The following ATP11A variants were observed in gnomAD, a reference collection of about 807,000 sequenced individuals.
ATP11A encodes the protein phospholipid-transporting ATPase IH.
In ATP11A, 81 loss-of-function variants were observed where a neutral mutation model predicts 154.4. That is an observed-to-expected ratio of 0.52 (90% confidence interval 0.44 to 0.63). ATP11A has a LOEUF of 0.63. Ranked by LOEUF, ATP11A falls within the 30% of genes least tolerant of loss-of-function variation. The pLI, the probability that ATP11A is intolerant of heterozygous loss-of-function variation, is 0.00. For synonymous variants in ATP11A, 623 were observed against 585.9 expected (o/e 1.06, Z -0.91); for missense variants, 1,316 against 1,474.3 (o/e 0.89, Z 1.76).
At chr13:112,819,433 G>A in intron 7 of ATP11A, 26 bp downstream of exon 7, 2 of 1,610,396 alleles carry the variant, frequency 1.2e-6, no homozygotes, top group Non-Finnish European at 1.7e-6. Context: ...GGGTTCTTTA[G>A]AAACGGTTTT....
intron 2 of ATP11A, among the ~76,000 whole-genome samples, chr13:112,800,630 A>G (rs1025663094): frequency 6.6e-6 from 1 of 152,176 alleles, no homozygotes; most frequent in African/African-American, 2.4e-5. Flanking sequence ...CGGAAGGAAC[A>G]TTTTCTAATT....
chr13:112,852,793 GA>G lies in ATP11A; in HGVS notation c.1992-1485del, dbSNP rs2079808388. ...AGTTAATGCCTGGTTGGCGGGGGGGGATCTCAGTGGCTTTTTCGTGATGATA... is the reference window on the plus strand; with the variant it reads ...AGTTAATGCCTGGTTGGCGGGGGGGGTCTCAGTGGCTTTTTCGTGATGATA... On this transcript the variant is annotated intron_variant, in intron 18 of 29. Transcript: ENST00000375645. Among the ~76,000 whole-genome samples, 19 of 143,252 alleles carry G rather than the reference GA, an allele frequency of 1.3e-4. 1 individual carries two copies. Among genetic ancestry groups the G allele is most frequent in the African/African-American group, 3.0e-4 (11 of 36,430 alleles). The allele number at this position is 143,252 out of a possible 152,430, so 94.0% of individuals were successfully genotyped here.
At chr13:112,796,426 T>C (rs2078000102) in intron 2 of ATP11A, among the ~76,000 whole-genome samples, 1 of 152,144 alleles carries the variant, frequency 6.6e-6, no homozygotes, top group South Asian at 2.1e-4. Context: ...CAGAGGCACT[T>C]GTAAGTGGAA....
chr13:112,702,468 G>T (rs1312864497), intron 1 of ATP11A, among the ~76,000 whole-genome samples: 1 of 152,252 alleles, frequency 6.6e-6, no homozygotes, highest in Non-Finnish European at 1.5e-5. Context: ...TGCACACGGG[G>T]GGTGCGTGAT....
Position 112,770,103 on chromosome 13 carries a change from G to C in ATP11A, c.40-15032G>C, listed in dbSNP as rs563995699. On this transcript the variant is annotated intron_variant, in intron 1 of 29. Transcript: ENST00000375645. ...CACCGGCTCTTTTCCTCTGTGTCTC[G>C]ACTCTTAGGAAGCTCTGTGTTTCTT... Among the ~76,000 whole-genome samples the C allele has an allele frequency of 8.5e-5, 13 of 152,260 alleles. No homozygotes were observed. The South Asian group carries it at 2.3e-3, about 27-fold the overall frequency.
At chr13:112,702,497 C>G (rs1208354968) in intron 1 of ATP11A, among the ~76,000 whole-genome samples, 2 of 152,234 alleles carry the variant, frequency 1.3e-5, no homozygotes, top group African/African-American at 2.4e-5. Flanking sequence ...CCTCTGCCCT[C>G]AGATGGCCAG....
Position 112,826,895 on chromosome 13 carries a change from G to C in ATP11A, c.1221+4G>C, listed in dbSNP as rs201934262. 2 of 1,614,020 alleles carry C rather than the reference G, an allele frequency of 1.2e-6. No individual in the cohort carries two copies. Among genetic ancestry groups the C allele is most frequent in the East Asian group, 4.5e-5 (2 of 44,888 alleles). The stretch of plus-strand genomic sequence containing the variant: ...CCTCAATGAAGAGCTGGGACAGGTT[G>C]GTGTCTCCTGAGTCATCTGCTGTGA... On this transcript the variant is annotated splice_donor_region_variant and intron_variant, in intron 12 of 29. Transcript: ENST00000375645.
At chr13:112,694,453 C>A (rs1171981139) in intron 1 of ATP11A, among the ~76,000 whole-genome samples, 2 of 152,164 alleles carry the variant, frequency 1.3e-5, no homozygotes, top group East Asian at 3.8e-4. Flanking sequence ...ACCGGGCACC[C>A]TGACACTGAG....
At chr13:112,737,631 G>C (rs1410038190) in intron 1 of ATP11A, among the ~76,000 whole-genome samples, 1 of 152,220 alleles carries the variant, frequency 6.6e-6, no homozygotes, top group Admixed American at 6.5e-5. Context: ...AGGTCACCGA[G>C]GGCCTCGTCT....
chr13:112,861,470 C>T (rs534104371), intron 24 of ATP11A, among the ~76,000 whole-genome samples: 6 of 152,220 alleles, frequency 3.9e-5, no homozygotes, highest in African/African-American at 1.2e-4. Flanking sequence ...TTATTCAGAT[C>T]ACCCAGCTTT....
rs1157054316 is a variant in ATP11A, at chr13:112,885,287, C to T, written c.*3421C>T. On this transcript the variant is annotated 3_prime_UTR_variant, in exon 30 of 30. Transcript: ENST00000375645. ...ACATGTACAAGCTCCTACAGGCTTG[C>T]TCTCACACACGTGTATGCACAGCAG... The T allele has an allele frequency of 6.6e-6, 1 of 152,162 alleles. No homozygotes were observed. Among genetic ancestry groups the T allele is most frequent in the Non-Finnish European group, 1.5e-5 (1 of 68,062 alleles). 9.4% of individuals were successfully genotyped at this position (152,162 alleles called of 1,614,324 possible).
intron 1 of ATP11A, chr13:112,747,464 TG>T (rs1892296750): frequency 6.6e-6 from 1 of 152,252 alleles, no homozygotes; most frequent in Non-Finnish European, 1.5e-5. Context: ...ATAGTGTTTT[TG>T]GCAGTGTTTC....
Position 112,845,035 on chromosome 13 carries a change from C to T in ATP11A, c.1809+2656C>T, listed in dbSNP as rs550399902. ...CCGCTAGCAGTACTAGTCCAGTTAC[C>T]GGGCACTAGCCATACTAACCAGTCC... On this transcript the variant is annotated intron_variant, in intron 17 of 29. Transcript: ENST00000375645. 2.4e-4 allele frequency among the ~76,000 whole-genome samples: 36 copies of T among 151,536 alleles called. 1 individual carries two copies. Among genetic ancestry groups the T allele is most frequent in the Non-Finnish European group, 3.1e-4 (21 of 67,918 alleles).
Position 112,859,279 on chromosome 13 carries a change from CGCACGCTGGGT to C in ATP11A, c.2668-108_2668-98del, listed in dbSNP as rs533281648. The C allele has an allele frequency of 1.6e-4, 132 of 827,840 alleles. No homozygotes were observed. The African/African-American group carries it at 1.7e-3, about 10-fold the overall frequency. The allele number at this position is 827,840 out of a possible 1,614,324, so 51.3% of individuals were successfully genotyped here. A position where few individuals can be genotyped will look rare whatever the true frequency, so the allele number is the denominator to read the frequency against. On this transcript the variant is annotated intron_variant, in intron 22 of 29. Coordinates refer to ENST00000375645, the MANE Select transcript of ATP11A (RefSeq NM_015205.3). The surrounding 1 kb of genome is among the most constrained non-coding windows in gnomAD (Gnocchi z 4.3). The stretch of plus-strand genomic sequence containing the variant: ...CTAGAACCCATTAGTGCTGTTCTGC[CGCACGCTGGGT>C]GCACGTGGATCCCTCCTCCCATGTG...
chr13:112,753,443 G>C lies in ATP11A; in HGVS notation c.40-31692G>C, dbSNP rs537591072. 1.3e-5 allele frequency among the ~76,000 whole-genome samples: 2 copies of C among 152,216 alleles called. No homozygotes were observed. The highest frequency in any genetic ancestry group is 4.8e-5 in the African/African-American group (2 of 41,450). On this transcript the variant is annotated intron_variant, in intron 1 of 29. Coordinates refer to ENST00000375645, the MANE Select transcript of ATP11A (RefSeq NM_015205.3). This position sits in a 1 kb window ranked among gnomAD's most constrained non-coding sequence, Gnocchi z 4.1. The stretch of plus-strand genomic sequence containing the variant: ...AGGATGCCTGTTCTCCACCTACCTC[G>C]CCAGCAGCCTGCGCTGCCCGGCTTG...
At chr13:112,851,382 A>C (rs983532102) in intron 18 of ATP11A, among the ~76,000 whole-genome samples, 164 bp downstream of exon 18, 5 of 152,216 alleles carry the variant, frequency 3.3e-5, no homozygotes, top group Non-Finnish European at 7.3e-5. Context: ...CCCTGGAGTC[A>C]TGTCAGGAAG....
chr13:112,705,890 A>C (rs563292756), intron 1 of ATP11A, among the ~76,000 whole-genome samples: 1 of 152,320 alleles, frequency 6.6e-6, no homozygotes, highest in South Asian at 2.1e-4. Context: ...TTATTGTGGC[A>C]AAACATACAT....
rs1483077000 is a variant in ATP11A, at chr13:112,862,422, C to A, written c.2856-18C>A. The A allele has an allele frequency of 6.2e-7, 1 of 1,612,830 alleles. No individual in the cohort carries two copies. Among genetic ancestry groups the A allele is most frequent in the East Asian group, 2.2e-5 (1 of 44,888 alleles). ...CTGATTCTCGAGGACACACGCTGTG[C>A]ACCTTTCTCCTCACCAGGGACGTCG... On this transcript the variant is annotated intron_variant, in intron 24 of 29. Coordinates refer to ENST00000375645, the MANE Select transcript of ATP11A (RefSeq NM_015205.3).
At chr13:112,801,694 C>CA (rs1336691259) in intron 2 of ATP11A, among the ~76,000 whole-genome samples, 6 of 152,332 alleles carry the variant, frequency 3.9e-5, no homozygotes, top group African/African-American at 1.2e-4. Context: ...TTAACCCCCC[C>CA]ACCCACCAAA....
Sources: gnomAD v4.1 joint callset for allele counts (sites outside exome capture counted in the v4.1 genomes callset) on GRCh38, gnomAD v4.1.1 for gene constraint, Gnocchi (gnomAD v3.1) non-coding constraint, MANE v1.5 for transcripts, NCBI Gene and HGNC (gene_info 2026-07-23, HGNC 2026-07-21) for gene names.